The following FUBP3 variants were observed in gnomAD, a reference collection of about 807,000 sequenced individuals.
FUBP3 encodes far upstream element-binding protein 3.
FUBP3 carries 28 observed loss-of-function variants against 85.6 expected under a neutral mutation model. That is an observed-to-expected ratio of 0.33 (90% CI 0.24 to 0.45). The LOEUF is 0.45. Among genes scored for constraint, FUBP3 ranks in the 20% least tolerant of loss-of-function variants. The pLI is 1.00. For missense variants in FUBP3, 583 were observed against 755.1 expected (o/e 0.77, Z 2.67); for synonymous variants, 271 against 271.4 (o/e 1.00, Z 0.01).
At chr9:130,587,782 A>G (rs1830418143) in intron 1 of FUBP3, among the ~76,000 whole-genome samples, 1 of 152,176 alleles carries the variant, frequency 6.6e-6, no homozygotes, top group Non-Finnish European at 1.5e-5. Flanking sequence ...GGGTACCAAG[A>G]TGATGGAGAC....
At chr9:130,627,699 C>T (rs1168286643) in intron 12 of FUBP3, among the ~76,000 whole-genome samples, 1 of 152,220 alleles carries the variant, frequency 6.6e-6, no homozygotes, top group South Asian at 2.1e-4. Context: ...GCCAGAAGTC[C>T]CACACTACCC....
chr9:130,579,835 C>G, intron 1 of FUBP3, 71 bp downstream of exon 1: 2 of 850,824 alleles, frequency 2.4e-6, no homozygotes, highest in Non-Finnish European at 3.1e-6. Context: ...AAGAGGGGTT[C>G]GGGCCTGGGG....
chr9:130,636,497 C>T (rs886084342), intron 18 of FUBP3, among the ~76,000 whole-genome samples: 9 of 152,214 alleles, frequency 5.9e-5, no homozygotes, highest in African/African-American at 9.6e-5. Flanking sequence ...CGACTGCTCT[C>T]GAGGAGGGTG....
intron 17 of FUBP3, 152 bp downstream of exon 17, chr9:130,634,890 G>T: frequency 1.6e-6 from 1 of 642,162 alleles, no homozygotes; most frequent in Non-Finnish European, 2.7e-6. Context: ...CCCTGTACCT[G>T]CCTGCTTCTT....
intron 2 of FUBP3, among the ~76,000 whole-genome samples, chr9:130,605,654 T>C (rs995282262): frequency 4.6e-5 from 7 of 152,176 alleles, no homozygotes; most frequent in Admixed American, 1.3e-4. Context: ...TGGTGGTCTT[T>C]CCACTCACAG....
chr9:130,636,153 G>A, intron 18 of FUBP3, 27 bp downstream of exon 18: 2 of 1,608,926 alleles, frequency 1.2e-6, no homozygotes, highest in East Asian at 2.2e-5. Context: ...CAGCACCGCT[G>A]CCACTCCCTA....
intron 16 of FUBP3, 38 bp from the exon 17 acceptor site, chr9:130,634,629 G>A (rs777909187): frequency 6.3e-7 from 1 of 1,580,520 alleles, no homozygotes; most frequent in East Asian, 2.2e-5. Flanking sequence ...GCTGTGAGGA[G>A]CCCGTAAGGC....
At chr9:130,599,593 G>A (rs189363515) in intron 2 of FUBP3, among the ~76,000 whole-genome samples, 116 of 152,174 alleles carry the variant, frequency 7.6e-4, no homozygotes, top group Middle Eastern at 6.8e-3. Context: ...ATGCCTGTCC[G>A]TGGGAAGAGC....
At chr9:130,621,613 G>A (rs149393847) in intron 9 of FUBP3, among the ~76,000 whole-genome samples, 2 of 151,856 alleles carry the variant, frequency 1.3e-5, no homozygotes, top group African/African-American at 4.8e-5. Flanking sequence ...TAACAGTTAA[G>A]AATGCAGTTC....
At chr9:130,624,653 T>G (rs796350930) in intron 11 of FUBP3, among the ~76,000 whole-genome samples, 182 of 132,814 alleles carry the variant, frequency 1.4e-3, no homozygotes, top group East Asian at 2.2e-3. Context: ...GTGTGTGTGT[T>G]TTTAAGCTCA....
In FUBP3 at chr9:130,595,561, G is replaced by A. The variant is rs755822691; in HGVS notation, c.163G>A (p.Val55Ile). The A allele has an allele frequency of 3.9e-6, 6 of 1,556,078 alleles. No individual in the cohort carries two copies. In the African/African-American group the frequency reaches 5.4e-5, roughly 14 times the overall value. The change falls in exon 2 of 19, where the codon GTA (valine) becomes ATA (isoleucine). Residue 55 changes from valine (V) to isoleucine (I), a missense_variant. Transcript: ENST00000319725. Reference sequence around the variant, plus strand: ...GGACCCCTCAGTATATGGATACGGAGTACAAAAACGGCCCTTGGATGATGG... The same window carrying A: ...GGACCCCTCAGTATATGGATACGGAATACAAAAACGGCCCTTGGATGATGG... Reference protein sequence around the residue: ...LVDPSVYGYGVQKRPLDDGVG... With the variant: ...LVDPSVYGYGIQKRPLDDGVG...
chr9:130,596,504 G>A (rs10901216), intron 2 of FUBP3: 45,003 of 158,458 alleles, frequency 0.28, 7,784 homozygotes, highest in East Asian at 0.5. Flanking sequence ...TGGTCTCTAG[G>A]AATTCTTGTT....
rs899409674 is a variant in FUBP3 at position 130,579,653 on chromosome 9, G to C, written c.-28G>C. 3 of 1,214,418 alleles carry C rather than the reference G, an allele frequency of 2.5e-6. No individual in the cohort carries two copies. The highest frequency in any genetic ancestry group is 2.1e-6 in the Non-Finnish European group (2 of 968,110). The allele number at this position is 1,214,418 out of a possible 1,614,324, so 75.2% of individuals were successfully genotyped here. A position where few individuals can be genotyped will look rare whatever the true frequency, so the allele number is the denominator to read the frequency against. On this transcript the variant is annotated 5_prime_UTR_variant, in exon 1 of 19. Coordinates refer to ENST00000319725, the MANE Select transcript of FUBP3 (RefSeq NM_003934.2). ...GAGCGGCGGCGTCGGCGGCGTCGGC[G>C]GCGGCGGCGACGGCGGCGGGGGCGG...
rs779633795 is a variant in FUBP3, at chr9:130,589,705, A to ATTTTTTTT, written c.85-5762_85-5755dup. 1.3e-3 allele frequency among the ~76,000 whole-genome samples: 97 copies of ATTTTTTTT among 73,720 alleles called. 1 individual carries two copies. Among genetic ancestry groups the ATTTTTTTT allele is most frequent in the African/African-American group, 2.5e-3 (32 of 12,938 alleles). The allele number at this position is 73,720 out of a possible 152,430, so 48.4% of individuals were successfully genotyped here. On this transcript the variant is annotated intron_variant, in intron 1 of 18. Coordinates refer to ENST00000319725, the MANE Select transcript of FUBP3 (RefSeq NM_003934.2). ...TATATATATATATATATATATATAT[A>ATTTTTTTT]TTTTTTTTTTTTTTTTTTTTTTTAA...
chr9:130,616,464 T>C lies in FUBP3; in HGVS notation c.514T>C (p.Ser172Pro). Residue 172 changes from serine to proline, a missense_variant, in exon 7 of 19, where the codon TCT becomes CCT. Physicochemically the swap from Ser to Pro is moderately conservative, Grantham distance 74. Transcript: ENST00000319725. The surrounding 1 kb of genome is among the most constrained non-coding windows in gnomAD (Gnocchi z 4.7). ...AATCCAGGAGATTCTCATTCCCGCA[T>C]CTAAAGTGGGTCTGGTCATCGGCAG... ...STIQEILIPA[S>P]KVGLVIGRGG... 6.2e-7 allele frequency: 1 copy of C among 1,614,072 alleles called. No homozygotes were observed. The highest frequency in any genetic ancestry group is 8.5e-7 in the Non-Finnish European group (1 of 1,179,970).
chr9:130,616,203 A>G lies in FUBP3; in HGVS notation c.405-152A>G, dbSNP rs1473551396. 7.5e-6 allele frequency: 5 copies of G among 664,366 alleles called. No homozygotes were observed. The highest frequency in any genetic ancestry group is 1.0e-5 in the Non-Finnish European group (4 of 382,824). The allele number at this position is 664,366 out of a possible 1,614,324, so 41.2% of individuals were successfully genotyped here. A position where few individuals can be genotyped will look rare whatever the true frequency, so the allele number is the denominator to read the frequency against. ...AGCCCGGTAGCGTGGCGGATGGCAG[A>G]GAGACCTCCGGGTTGTGGGGGCAGG... is the stretch of plus-strand genomic sequence containing the variant. On this transcript the variant is annotated intron_variant, in intron 6 of 18. Transcript: ENST00000319725. This position sits in a 1 kb window ranked among gnomAD's most constrained non-coding sequence, Gnocchi z 4.7.
intron 2 of FUBP3, among the ~76,000 whole-genome samples, chr9:130,605,307 T>G (rs1056776190): frequency 6.6e-6 from 1 of 152,234 alleles, no homozygotes; most frequent in Admixed American, 6.5e-5. Flanking sequence ...TTGACTGTTG[T>G]ATCCTCAGGT....
intron 2 of FUBP3, among the ~76,000 whole-genome samples, chr9:130,605,317 T>TC (rs1831366554): frequency 6.6e-6 from 1 of 152,180 alleles, no homozygotes; most frequent in Non-Finnish European, 1.5e-5. Context: ...TATCCTCAGG[T>TC]CCTGTCACAG....
chr9:130,629,832 A>G (rs1372718117), intron 12 of FUBP3, among the ~76,000 whole-genome samples: 4 of 152,218 alleles, frequency 2.6e-5, no homozygotes, highest in Admixed American at 1.3e-4. Flanking sequence ...TCCTCCTAGC[A>G]ACACTCCATC....
Sources: gnomAD v4.1 joint callset for allele counts (sites outside exome capture counted in the v4.1 genomes callset) on GRCh38, gnomAD v4.1.1 for gene constraint, Gnocchi (gnomAD v3.1) non-coding constraint, MANE v1.5 for transcripts, NCBI Gene and HGNC (gene_info 2026-07-23, HGNC 2026-07-21) for gene names.